TUB: variants seen among roughly 807,000 people sequenced by gnomAD.
The protein encoded by TUB is tubby protein homolog.
A neutral mutation model predicts 59.7 loss-of-function variants in TUB; 33 were observed. The ratio of observed to expected loss-of-function variants is 0.55; its 90% CI spans 0.42 to 0.74. The LOEUF (loss-of-function observed/expected upper bound fraction) is 0.74. Ranked by LOEUF, TUB falls within the 30% of genes least tolerant of loss-of-function variation. The pLI is 0.00. For synonymous variants in TUB, 293 were observed against 256.4 expected (o/e 1.14, Z -1.36); for missense variants, 659 against 672.0 (o/e 0.98, Z 0.21).
chr11:8,057,548 C>A (rs555244068), intron 2 of TUB, among the ~76,000 whole-genome samples: 28 of 152,290 alleles, frequency 1.8e-4, no homozygotes, highest in South Asian at 1.0e-3. Flanking sequence ...AACTAAGATT[C>A]GAGTCCTGAA....
intron 2 of TUB, among the ~76,000 whole-genome samples, chr11:8,063,464 C>G (rs548190651): frequency 6.6e-6 from 1 of 152,170 alleles, no homozygotes; most frequent in Non-Finnish European, 1.5e-5. Context: ...TGGAGTCAGG[C>G]CATCTGATTC....
chr11:8,056,889 T>C (rs1943028953), intron 2 of TUB, among the ~76,000 whole-genome samples: 2 of 152,070 alleles, frequency 1.3e-5, no homozygotes, highest in African/African-American at 2.4e-5. Context: ...CTACAGTATG[T>C]AGGCCAAGTG....
chr11:8,040,007 T>C (rs1352014500), intron 2 of TUB, among the ~76,000 whole-genome samples: 4 of 152,184 alleles, frequency 2.6e-5, no homozygotes, highest in Non-Finnish European at 5.9e-5. Context: ...GTGCTGGGAC[T>C]CTCAGCCAAG....
At chr11:8,092,769 C>T (rs530431133) in intron 3 of TUB, among the ~76,000 whole-genome samples, 16 of 152,292 alleles carry the variant, frequency 1.1e-4, no homozygotes, top group Non-Finnish European at 2.2e-4. Flanking sequence ...GTGGCCTACC[C>T]AGGAACTGGT....
chr11:8,049,578 T>TATATATATATATATATATATAGATAG (rs1055522231), intron 2 of TUB, among the ~76,000 whole-genome samples: 6 of 85,916 alleles, frequency 7.0e-5, no homozygotes, highest in Non-Finnish European at 1.4e-4. Context: ...TATATATATA[T>TATATATATATATATATATATAGATAG]ATAGATAGAT....
chr11:8,066,563 G>A (rs1023833781), intron 2 of TUB, among the ~76,000 whole-genome samples: 8 of 152,178 alleles, frequency 5.3e-5, no homozygotes, highest in African/African-American at 1.4e-4. Context: ...GAGAGAGGCT[G>A]AAGCTGCCTC....
In TUB at chr11:8,105,910, G is replaced by A. The variant is rs2133955582; in HGVS notation, c.*4291G>A. On this transcript the variant is annotated 3_prime_UTR_variant, in exon 12 of 12. Coordinates refer to ENST00000299506, the MANE Select transcript of TUB (RefSeq NM_177972.3). ...AAGGGAAGCCTGACTGCTCGGTCAG[G>A]AGGGTGCAGTATCTCTTGCTGGGAA... 1 of 151,974 alleles carries A rather than the reference G, an allele frequency of 6.6e-6. No homozygotes were observed. Among genetic ancestry groups the A allele is most frequent in the South Asian group, 2.1e-4 (1 of 4,824 alleles). 9.4% of individuals were successfully genotyped at this position (151,974 alleles called of 1,614,324 possible).
chr11:8,090,017 C>A, intron 2 of TUB, 52 bp from the exon 3 acceptor site: 1 of 1,516,984 alleles, frequency 6.6e-7, no homozygotes, highest in Admixed American at 2.1e-5. Flanking sequence ...TAACTGGGAG[C>A]CCGCCCTTCC....
upstream of TUB, among the ~76,000 whole-genome samples, chr11:8,036,338 A>G (rs1437092250): frequency 1.3e-5 from 2 of 152,014 alleles, no homozygotes; most frequent in African/African-American, 2.4e-5. Flanking sequence ...AAGTCATTCT[A>G]TTTTCCTGCA....
upstream of TUB, among the ~76,000 whole-genome samples, chr11:8,038,173 G>T (rs36206808): frequency 0.19 from 28,789 of 152,090 alleles, 2,864 homozygotes; most frequent in Non-Finnish European, 0.21. Flanking sequence ...ATACCCCAAC[G>T]TGAGGTGCTG....
intron 1 of TUB, among the ~76,000 whole-genome samples, chr11:8,027,249 T>C (rs919827645): frequency 6.6e-5 from 10 of 152,230 alleles, no homozygotes; most frequent in Non-Finnish European, 1.2e-4. Flanking sequence ...TGAAACTCTC[T>C]ACCCATTAAG....
intron 2 of TUB, among the ~76,000 whole-genome samples, chr11:8,062,524 T>C (rs1417031569): frequency 6.6e-6 from 1 of 151,612 alleles, no homozygotes; most frequent in Admixed American, 6.6e-5. Context: ...TGCGTGTGTG[T>C]GTGTGTGTGT....
intron 1 of TUB, among the ~76,000 whole-genome samples, chr11:8,030,018 T>C (rs1158391859): frequency 6.6e-6 from 1 of 152,112 alleles, no homozygotes; most frequent in Non-Finnish European, 1.5e-5. Context: ...GGAATGGCGT[T>C]AGAGGGCAGT....
rs1944263605 is a variant in TUB at position 8,100,872 on chromosome 11, G to A, written c.1262G>A (p.Ser421Asn). The A allele has an allele frequency of 1.2e-6, 2 of 1,614,186 alleles. No individual in the cohort carries two copies. Among genetic ancestry groups the A allele is most frequent in the Admixed American group, 1.7e-5 (1 of 60,024 alleles). Residue 421 changes from serine (S) to asparagine (N), a missense_variant, in exon 11 of 12, where the codon AGT becomes AAT. This residue lies in a region of TUB where 226 missense variants were observed against 210.8 expected (regional missense o/e 1.07). Coordinates refer to ENST00000299506, the MANE Select transcript of TUB (RefSeq NM_177972.3). ...LARWQNKNTE[S>N]IIELQNKTPV... ...CGCTGGCAGAATAAGAACACGGAGA[G>A]TATCATCGAGCTGCAAAACAAGACA... is the stretch of plus-strand genomic sequence containing the variant.
At chr11:8,043,496 T>C (rs1423582417) in intron 2 of TUB, among the ~76,000 whole-genome samples, 1 of 152,238 alleles carries the variant, frequency 6.6e-6, no homozygotes, top group Non-Finnish European at 1.5e-5. Flanking sequence ...GGACCGAATC[T>C]GTAGATCAGT....
At chr11:8,038,352 G>A (rs568135981), upstream of TUB, among the ~76,000 whole-genome samples, 1 of 152,256 alleles carries the variant, frequency 6.6e-6, no homozygotes, top group South Asian at 2.1e-4. Flanking sequence ...GGGACAAGAG[G>A]CTGAGGACAC....
chr11:8,095,420 C>T (rs569474496), intron 4 of TUB, 78 bp from the exon 5 acceptor site: 1 of 1,464,332 alleles, frequency 6.8e-7, no homozygotes, highest in African/African-American at 1.4e-5. Flanking sequence ...CTTCCCTCAT[C>T]CCCTTCATGG....
At chr11:8,094,816 C>T (rs546044089) in intron 4 of TUB, among the ~76,000 whole-genome samples, 8 of 152,338 alleles carry the variant, frequency 5.3e-5, no homozygotes, top group Admixed American at 1.3e-4. Context: ...CAGGCCACTG[C>T]GTCACGGTTG....
rs1439579733 is a variant in TUB at position 8,104,524 on chromosome 11, T to C, written c.*2905T>C. The stretch of plus-strand genomic sequence containing the variant: ...TTGTGATTATATTCCTGAGAATGAA[T>C]GAGTAGGAAAGGAATAAGGATGTTG... On this transcript the variant is annotated 3_prime_UTR_variant, in exon 12 of 12. Coordinates refer to ENST00000299506, the MANE Select transcript of TUB (RefSeq NM_177972.3). 6.6e-6 allele frequency: 1 copy of C among 152,200 alleles called. No homozygotes were observed. Among genetic ancestry groups the C allele is most frequent in the Non-Finnish European group, 1.5e-5 (1 of 68,038 alleles). 9.4% of individuals were successfully genotyped at this position (152,200 alleles called of 1,614,324 possible). A position where few individuals can be genotyped will look rare whatever the true frequency, so the allele number is the denominator to read the frequency against.
Sources: allele counts gnomAD v4.1 joint callset (sites outside exome capture counted in the v4.1 genomes callset), GRCh38; gene constraint gnomAD v4.1.1; regional missense constraint gnomAD v4.1.1; transcripts MANE v1.5; gene names NCBI Gene and HGNC (gene_info 2026-07-23, HGNC 2026-07-21).